OAS3: variants seen among roughly 807,000 people sequenced by gnomAD.
The protein encoded by OAS3 is 2'-5'-oligoadenylate synthetase 3, also known as 2'-5'-oligoadenylate synthase 3.
OAS3 carries 107 observed loss-of-function variants against 113.0 expected under a neutral mutation model. That is an observed-to-expected ratio of 0.95 (90% CI 0.81 to 1.11). OAS3 has a LOEUF of 1.11. OAS3 is among the 50% of genes most tolerant of loss of function. The probability of loss-of-function intolerance (pLI) is 0.00; values close to 1 mark genes in which losing one functional copy is unlikely to be tolerated. For missense variants in OAS3, 1,258 were observed against 1,389.1 expected (o/e 0.91, Z 1.50); for synonymous variants, 552 against 573.6 (o/e 0.96, Z 0.54).
intron 13 of OAS3, 57 bp downstream of exon 13, chr12:112,967,650 A>G (rs1469579717): frequency 1.9e-6 from 3 of 1,559,654 alleles, no homozygotes; most frequent in Non-Finnish European, 2.6e-6. Context: ...CCTCTGGAGC[A>G]CTTTCCTGGG....
chr12:112,944,288 C>T (rs1333206104), intron 2 of OAS3, among the ~76,000 whole-genome samples, 188 bp from the exon 3 acceptor site: 1 of 152,218 alleles, frequency 6.6e-6, no homozygotes, highest in Non-Finnish European at 1.5e-5. Flanking sequence ...GAGTGCCGCT[C>T]TTCTTCCCTG....
chr12:112,951,061 C>G (rs1301272461), intron 7 of OAS3, 86 bp downstream of exon 7: 8 of 1,346,632 alleles, frequency 5.9e-6, no homozygotes, highest in Admixed American at 2.3e-5. Flanking sequence ...TCTTTGTGAT[C>G]CTAATTCTCC....
At chr12:112,967,365 C>T in intron 12 of OAS3, 53 bp from the exon 13 acceptor site, 2 of 1,538,360 alleles carry the variant, frequency 1.3e-6, no homozygotes, top group Non-Finnish European at 1.8e-6. Context: ...TAAGTTGGCC[C>T]CACTGGGACA....
In OAS3 at chr12:112,963,101, A is replaced by C. The variant is rs906801614; in HGVS notation, c.2084+199A>C. Among the ~76,000 whole-genome samples the C allele has an allele frequency of 2.0e-5, 3 of 152,344 alleles. No homozygotes were observed. The highest frequency in any genetic ancestry group is 1.9e-4 in the East Asian group (1 of 5,190). ...AGAAACCAGGGCCAGTTTTATTAGC[A>C]TGATAAAATAGTATTTCTCAGTTGA... is the stretch of plus-strand genomic sequence containing the variant. On this transcript the variant is annotated intron_variant, in intron 9 of 15. Coordinates refer to ENST00000228928, the MANE Select transcript of OAS3 (RefSeq NM_006187.4). This position sits in a 1 kb window ranked among gnomAD's most constrained non-coding sequence, Gnocchi z 4.6.
intron 14 of OAS3, among the ~76,000 whole-genome samples, chr12:112,968,604 T>C (rs1163715007): frequency 6.6e-6 from 1 of 152,266 alleles, no homozygotes; most frequent in East Asian, 1.9e-4. Flanking sequence ...ACCCTCCGCC[T>C]CCCGGGTTCA....
At chr12:112,949,271 G>A in intron 6 of OAS3, 66 bp downstream of exon 6, 2 of 1,428,316 alleles carry the variant, frequency 1.4e-6, no homozygotes, top group Non-Finnish European at 9.6e-7. Flanking sequence ...AAGGGAAGGA[G>A]TTACAGCAAT....
At chr12:112,940,213 G>A (rs1304010842) in intron 1 of OAS3, among the ~76,000 whole-genome samples, 1 of 152,170 alleles carries the variant, frequency 6.6e-6, no homozygotes, top group East Asian at 1.9e-4. Context: ...CGTGCAGGAA[G>A]TGCCCAGCCT....
chr12:112,943,746 C>T lies in OAS3; in HGVS notation c.461-730C>T, dbSNP rs374145335. Among the ~76,000 whole-genome samples the T allele has an allele frequency of 8.5e-5, 13 of 152,202 alleles. No homozygotes were observed. The East Asian group carries it at 1.5e-3, about 18-fold the overall frequency. ...TATTTTTTTCTAAGACAGAGTTTCG[C>T]TCTGTCCCCCAGGCTGGAGTGCAGT... On this transcript the variant is annotated intron_variant, in intron 2 of 15. Transcript: ENST00000228928.
At chr12:112,962,949 C>A (rs1422077570) in intron 9 of OAS3, 47 bp downstream of exon 9, 8 of 1,604,238 alleles carry the variant, frequency 5.0e-6, no homozygotes, top group Non-Finnish European at 6.8e-6. Context: ...CTCCCCCTCC[C>A]CACTGTCACC....
In OAS3 at chr12:112,971,192, G is replaced by C. The variant is rs2010549; in HGVS notation, c.*1219G>C. 0.18 allele frequency: 27,639 copies of C among 152,312 alleles called. 2,857 individuals are homozygous for C. Among genetic ancestry groups the C allele is most frequent in the East Asian group, 0.34 (1,755 of 5,176 alleles). The allele number at this position is 152,312 out of a possible 1,614,324, so 9.4% of individuals were successfully genotyped here. ...AGGCAGAGGCCACCACTGGACTATT[G>C]GTTTCAATATTAGACCACTGTAGCC... On this transcript the variant is annotated 3_prime_UTR_variant, in exon 16 of 16. Transcript: ENST00000228928.
chr12:112,965,828 A>T lies in OAS3; in HGVS notation c.2488A>T (p.Thr830Ser). The change falls in exon 12 of 16, where the codon ACT (threonine) becomes TCT (serine). Residue 830 changes from threonine (T) to serine (S), a missense_variant. Physicochemically the swap from Thr to Ser is moderately conservative, Grantham distance 58. Coordinates refer to ENST00000228928, the MANE Select transcript of OAS3 (RefSeq NM_006187.4). ...VVFLSCFSQF[T>S]EQGNKRAEII... ...GTTCCTCAGCTGCTTCAGCCAGTTC[A>T]CTGAGCAGGGCAACAAGCGGGCCGA... is the stretch of plus-strand genomic sequence containing the variant. 1 of 1,613,908 alleles carries T rather than the reference A, an allele frequency of 6.2e-7. No homozygotes were observed. The highest frequency in any genetic ancestry group is 8.5e-7 in the Non-Finnish European group (1 of 1,179,880).
Position 112,970,321 on chromosome 12 carries a change from C to T in OAS3, c.*348C>T, listed in dbSNP as rs1421727003. ...CCCCCTCCTCCCTGACTCCTCTCTG[C>T]CCATGCAAATTAGCTCACATCTTTC... On this transcript the variant is annotated 3_prime_UTR_variant, in exon 16 of 16. Transcript: ENST00000228928. 8.1e-6 allele frequency: 3 copies of T among 370,778 alleles called. No individual in the cohort carries two copies. The highest frequency in any genetic ancestry group is 1.5e-5 in the Non-Finnish European group (3 of 201,496). The allele number at this position is 370,778 out of a possible 1,614,324, so 23.0% of individuals were successfully genotyped here.
At chr12:112,939,839 GGA>G (rs2043663427) in intron 1 of OAS3, among the ~76,000 whole-genome samples, 1 of 152,190 alleles carries the variant, frequency 6.6e-6, no homozygotes, top group African/African-American at 2.4e-5. Flanking sequence ...GAGGTTGTCA[GGA>G]GAGGGAGTGA....
chr12:112,963,295 T>A lies in OAS3; in HGVS notation c.2085-18T>A. ...CTGACTCCCACCTTCCCCACCCACC[T>A]TCCTGCTGTGCCCCCAGACCCCTGG... On this transcript the variant is annotated intron_variant, in intron 9 of 15. Transcript: ENST00000228928. The surrounding 1 kb of genome is among the most constrained non-coding windows in gnomAD (Gnocchi z 4.6). 1 of 1,559,666 alleles carries A rather than the reference T, an allele frequency of 6.4e-7. No homozygotes were observed. The highest frequency in any genetic ancestry group is 8.7e-7 in the Non-Finnish European group (1 of 1,149,818).
chr12:112,951,551 A>T (rs1229846372), intron 7 of OAS3, among the ~76,000 whole-genome samples: 1 of 152,184 alleles, frequency 6.6e-6, no homozygotes, highest in African/African-American at 2.4e-5. Context: ...AATATTTGGA[A>T]GTAGCTTTCC....
rs768352252 is a variant in OAS3 at position 112,946,763 on chromosome 12, G to T, written c.657G>T (p.Trp219Cys). ...WYHQVCLQGL[W>C]KETLPPVYAL... ...CACAGGTGTGCCTACAGGGGTTGTG[G>T]AAGGAGACGCTGCCCCCGGTCTATG... The change falls in exon 4 of 16, where the codon TGG (tryptophan) becomes TGT (cysteine). Residue 219 changes from tryptophan (W) to cysteine (C), a missense_variant. By Grantham distance (215) the Trp-to-Cys change is radical (BLOSUM62 -2). Coordinates refer to ENST00000228928, the MANE Select transcript of OAS3 (RefSeq NM_006187.4). 8.1e-6 allele frequency: 13 copies of T among 1,611,294 alleles called. No individual in the cohort carries two copies. Among genetic ancestry groups the T allele is most frequent in the Non-Finnish European group, 1.0e-5 (12 of 1,178,866 alleles).
intron 7 of OAS3, among the ~76,000 whole-genome samples, chr12:112,951,739 G>C (rs905560081): frequency 6.7e-6 from 1 of 149,670 alleles, no homozygotes; most frequent in African/African-American, 2.5e-5. Flanking sequence ...GATCACACCT[G>C]TAATCCCAGC....
rs572112576 is a variant in OAS3, at chr12:112,954,172, G to A, written c.1657+3197G>A. Among the ~76,000 whole-genome samples the A allele has an allele frequency of 7.2e-5, 11 of 152,288 alleles. No individual in the cohort carries two copies. The highest frequency in any genetic ancestry group is 2.4e-4 in the African/African-American group (10 of 41,542). On this transcript the variant is annotated intron_variant, in intron 7 of 15. Coordinates refer to ENST00000228928, the MANE Select transcript of OAS3 (RefSeq NM_006187.4). The surrounding 1 kb of genome is among the most constrained non-coding windows in gnomAD (Gnocchi z 4.0). ...ATCTTGAATTAATTTTGTATAAGGT[G>A]TAAGGAAAGGATACAGTTTCAGCTT...
chr12:112,967,622 AAG>A, intron 13 of OAS3, 29 bp downstream of exon 13: 1 of 1,601,984 alleles, frequency 6.2e-7, no homozygotes, highest in Non-Finnish European at 8.5e-7. Context: ...CCACCTTCCT[AAG>A]TTGCCCTGGG....
Sources: gnomAD v4.1 joint callset for allele counts (sites outside exome capture counted in the v4.1 genomes callset) on GRCh38, gnomAD v4.1.1 for gene constraint, Gnocchi (gnomAD v3.1) non-coding constraint, MANE v1.5 for transcripts, NCBI Gene and HGNC (gene_info 2026-07-23, HGNC 2026-07-21) for gene names.